The following BBS9 variants were observed in gnomAD, a reference collection of about 807,000 sequenced individuals.
BBS9 encodes the protein Bardet-Biedl syndrome 9.
A neutral mutation model predicts 117.7 loss-of-function variants in BBS9; 89 were observed. The observed-to-expected ratio is 0.76, with a 90% CI of 0.64 to 0.90. BBS9 has a LOEUF of 0.90. Ranked by LOEUF, BBS9 falls within the 40% of genes least tolerant of loss-of-function variation. BBS9 has a pLI of 0.00. For synonymous variants in BBS9, 379 were observed against 370.9 expected (o/e 1.02, Z -0.25); for missense variants, 982 against 1,042.2 (o/e 0.94, Z 0.80).
At position 33,631,027 on chromosome 7, in the gene BBS9, C is replaced by G. The variant is rs1467392864; in HGVS notation, c.2522-4150C>G. On this transcript the variant is annotated intron_variant, in intron 21 of 21. Coordinates refer to the BBS9 transcript ENST00000671952. ...ACCATTCTGAGGAGTGCTACCGAGGCAAAGCACAGGGGGTGATACAGGCCC... is the reference window on the plus strand; with the variant it reads ...ACCATTCTGAGGAGTGCTACCGAGGGAAAGCACAGGGGGTGATACAGGCCC... 2.0e-5 allele frequency among the ~76,000 whole-genome samples: 3 copies of G among 152,270 alleles called. No homozygotes were observed. In the South Asian group the frequency reaches 6.2e-4, roughly 32 times the overall value.
intron 19 of BBS9, among the ~76,000 whole-genome samples, chr7:33,477,996 A>G (rs1842030372): frequency 6.6e-6 from 1 of 152,070 alleles, no homozygotes; most frequent in Non-Finnish European, 1.5e-5. Context: ...AGTGTTAAAT[A>G]TGACTTACTG....
intron 16 of BBS9, among the ~76,000 whole-genome samples, chr7:33,364,659 TCCCCTTC>T (rs984827006): frequency 1.4e-4 from 9 of 63,652 alleles, no homozygotes; most frequent in African/African-American, 6.0e-4. Context: ...TCCTCTCCAC[TCCCCTTC>T]CCCCTCCCAT....
chr7:33,287,173 T>A (rs1242812190), intron 9 of BBS9, among the ~76,000 whole-genome samples: 1 of 152,196 alleles, frequency 6.6e-6, no homozygotes, highest in Admixed American at 6.5e-5. Flanking sequence ...GACTTAAAAT[T>A]AGAATCAAAA....
At chr7:33,629,793 G>T (rs988613579) in intron 21 of BBS9, among the ~76,000 whole-genome samples, 10 of 152,164 alleles carry the variant, frequency 6.6e-5, no homozygotes, top group South Asian at 6.2e-4. Flanking sequence ...CATGTATTCA[G>T]CTCAATGCTC....
chr7:33,207,417 A>T (rs1399794903), intron 5 of BBS9, among the ~76,000 whole-genome samples: 1 of 151,488 alleles, frequency 6.6e-6, no homozygotes, highest in Non-Finnish European at 1.5e-5. Flanking sequence ...ATGAATTTCA[A>T]TTTTTTTCTG....
chr7:33,232,135 CAT>C (rs901819142), intron 5 of BBS9, among the ~76,000 whole-genome samples: 1 of 152,096 alleles, frequency 6.6e-6, no homozygotes, highest in Non-Finnish European at 1.5e-5. Context: ...CATGAGAAGT[CAT>C]AAATTAATGG....
intron 6 of BBS9, among the ~76,000 whole-genome samples, chr7:33,263,304 A>G (rs1342935385): frequency 2.0e-5 from 3 of 152,124 alleles, no homozygotes; most frequent in Non-Finnish European, 4.4e-5. Context: ...TTGTTTAGAT[A>G]TGCCACATTG....
At chr7:33,340,052 C>T (rs1308144928) in intron 10 of BBS9, among the ~76,000 whole-genome samples, 1 of 151,496 alleles carries the variant, frequency 6.6e-6, no homozygotes, top group Non-Finnish European at 1.5e-5. Flanking sequence ...GAATAAATAT[C>T]TCATTATGCA....
intron 21 of BBS9, among the ~76,000 whole-genome samples, chr7:33,600,254 G>A (rs1459070980): frequency 1.3e-5 from 2 of 152,298 alleles, no homozygotes; most frequent in East Asian, 3.9e-4. Context: ...GCAATTGAAA[G>A]GGCTTTTTTA....
chr7:33,130,586 A>C (rs1789438238), intron 1 of BBS9, among the ~76,000 whole-genome samples: 1 of 152,220 alleles, frequency 6.6e-6, no homozygotes, highest in African/African-American at 2.4e-5. Flanking sequence ...CACATCTTAC[A>C]TGTCCTCATT....
intron 21 of BBS9, among the ~76,000 whole-genome samples, chr7:33,547,958 C>A (rs910922589): frequency 6.6e-6 from 1 of 152,100 alleles, no homozygotes; most frequent in Admixed American, 6.5e-5. Context: ...ACAGAAGAAG[C>A]AATTAGGAGC....
intron 5 of BBS9, among the ~76,000 whole-genome samples, chr7:33,238,346 A>G (rs1008783818): frequency 1.4e-4 from 22 of 151,846 alleles, no homozygotes; most frequent in African/African-American, 5.1e-4. Flanking sequence ...GCTGGAGTGC[A>G]ATGGCGCGAT....
At chr7:33,278,605 T>A (rs1306844937) in intron 9 of BBS9, among the ~76,000 whole-genome samples, 3 of 152,154 alleles carry the variant, frequency 2.0e-5, no homozygotes, top group Non-Finnish European at 4.4e-5. Context: ...GCCTTTGTAT[T>A]TGATGAAGGC....
chr7:33,595,042 T>A (rs1862511103), intron 21 of BBS9, among the ~76,000 whole-genome samples: 1 of 151,830 alleles, frequency 6.6e-6, no homozygotes, highest in South Asian at 2.1e-4. Flanking sequence ...AAAAATTAAC[T>A]CAAGATAGAT....
At chr7:33,195,213 G>A (rs985903575) in intron 5 of BBS9, among the ~76,000 whole-genome samples, 3 of 152,166 alleles carry the variant, frequency 2.0e-5, no homozygotes, top group Admixed American at 2.0e-4. Context: ...TTGGCACATA[G>A]TGGGTGCTTA....
chr7:33,377,132 C>T (rs1824044197), intron 17 of BBS9, among the ~76,000 whole-genome samples: 1 of 152,122 alleles, frequency 6.6e-6, no homozygotes. Context: ...TTCCTATGCC[C>T]AGAATGATAT....
intron 18 of BBS9, among the ~76,000 whole-genome samples, chr7:33,386,740 C>T (rs1386266462): frequency 6.6e-6 from 1 of 151,930 alleles, no homozygotes; most frequent in African/African-American, 2.4e-5. Flanking sequence ...GTGATCCGCC[C>T]GCCTCGGCCT....
At chr7:33,335,045 C>A (rs555153175) in intron 9 of BBS9, among the ~76,000 whole-genome samples, 2 of 152,274 alleles carry the variant, frequency 1.3e-5, no homozygotes, top group African/African-American at 2.4e-5. Flanking sequence ...CTACTCCCAA[C>A]CCAGTTGAGC....
At chr7:33,628,857 T>C (rs1440065022) in intron 21 of BBS9, among the ~76,000 whole-genome samples, 2 of 152,214 alleles carry the variant, frequency 1.3e-5, no homozygotes, top group Non-Finnish European at 2.9e-5. Flanking sequence ...CTTGATAATA[T>C]CCATATATTA....
Sources: allele counts gnomAD v4.1 joint callset (sites outside exome capture counted in the v4.1 genomes callset), GRCh38; gene constraint gnomAD v4.1.1; transcripts MANE v1.5; gene names NCBI Gene and HGNC (gene_info 2026-07-23, HGNC 2026-07-21).